ASIC2: variants seen among roughly 807,000 people sequenced by gnomAD.
The protein encoded by ASIC2 is acid-sensing ion channel 2.
In ASIC2, 25 loss-of-function variants were observed where a neutral mutation model predicts 57.3. The observed-to-expected ratio is 0.44, with a 90% CI of 0.32 to 0.61. The LOEUF (loss-of-function observed/expected upper bound fraction) is 0.61, where lower values mean the gene tolerates loss of function less well. Among genes scored for constraint, ASIC2 ranks in the 20% least tolerant of loss-of-function variants. The pLI is 0.06. For missense variants in ASIC2, 641 were observed against 738.1 expected, an observed-to-expected ratio of 0.87 and a Z score of 1.52; for synonymous variants, 319 against 307.5, an observed-to-expected ratio of 1.04 and a Z score of -0.39.
intron 1 of ASIC2, among the ~76,000 whole-genome samples, chr17:33,446,514 G>C (rs976612980): frequency 1.3e-5 from 2 of 152,156 alleles, no homozygotes; most frequent in African/African-American, 2.4e-5. Context: ...CACGCTGAAA[G>C]CATCTGTAAT....
At chr17:33,022,350 A>T (rs567956424) in intron 6 of ASIC2, among the ~76,000 whole-genome samples, 1 of 152,330 alleles carries the variant, frequency 6.6e-6, no homozygotes, top group South Asian at 2.1e-4. Flanking sequence ...CGTTGGCCAC[A>T]TGTGGCTAGC....
chr17:33,503,236 G>A (rs1288387169), intron 1 of ASIC2, among the ~76,000 whole-genome samples: 1 of 152,200 alleles, frequency 6.6e-6, no homozygotes, highest in Non-Finnish European at 1.5e-5. Flanking sequence ...GGATTTTTAG[G>A]TTAAAAGTTG....
chr17:33,273,913 G>A (rs934373701), intron 1 of ASIC2, among the ~76,000 whole-genome samples: 2 of 152,170 alleles, frequency 1.3e-5, no homozygotes, highest in African/African-American at 2.4e-5. Context: ...TCTGCTTTGT[G>A]CCAGGCTCCA....
chr17:33,161,284 C>T (rs1220321696), intron 1 of ASIC2, among the ~76,000 whole-genome samples: 1 of 152,180 alleles, frequency 6.6e-6, no homozygotes, highest in African/African-American at 2.4e-5. Flanking sequence ...TCTTGTCTTC[C>T]TTTATATGCT....
At chr17:34,056,759 C>A (rs972616793) in intron 1 of ASIC2, among the ~76,000 whole-genome samples, 7 of 152,196 alleles carry the variant, frequency 4.6e-5, no homozygotes, top group African/African-American at 1.7e-4. Context: ...GATTCAGTAT[C>A]CTTCAGGTCC....
At chr17:33,858,220 C>T (rs138033309) in intron 1 of ASIC2, among the ~76,000 whole-genome samples, 83 of 152,340 alleles carry the variant, frequency 5.4e-4, no homozygotes, top group African/African-American at 1.8e-3. Flanking sequence ...GGGCCACAGC[C>T]TTTGCATATG....
chr17:34,126,774 T>C (rs1200965068), intron 1 of ASIC2, among the ~76,000 whole-genome samples: 1 of 151,946 alleles, frequency 6.6e-6, no homozygotes, highest in African/African-American at 2.4e-5. Context: ...GGCACATGAG[T>C]CACCTGGGGA....
chr17:33,659,871 CAAATAAATAAATAAATAAAT>C (rs145561483), intron 1 of ASIC2, among the ~76,000 whole-genome samples: 42 of 133,296 alleles, frequency 3.2e-4, no homozygotes, highest in Non-Finnish European at 5.5e-4. Context: ...GACTCTGTCT[CAAATAAATAAATAAATAAAT>C]AAATAAATAA....
intron 1 of ASIC2, among the ~76,000 whole-genome samples, chr17:34,034,494 C>G (rs1161763273): frequency 2.6e-5 from 4 of 152,184 alleles, no homozygotes; most frequent in African/African-American, 9.6e-5. Flanking sequence ...TCAACATAGT[C>G]TTGGAAATTC....
At chr17:33,062,102 CA>C (rs1461298090) in intron 3 of ASIC2, among the ~76,000 whole-genome samples, 1 of 152,102 alleles carries the variant, frequency 6.6e-6, no homozygotes, top group Non-Finnish European at 1.5e-5. Flanking sequence ...TTGATCTTTT[CA>C]AAAAACCAGC....
At chr17:34,019,533 C>T (rs554469341) in intron 1 of ASIC2, among the ~76,000 whole-genome samples, 1 of 152,294 alleles carries the variant, frequency 6.6e-6, no homozygotes, top group East Asian at 1.9e-4. Flanking sequence ...CAAGACCCTC[C>T]ACCAGCAAAA....
At chr17:33,405,487 CTTT>C (rs35049672) in intron 1 of ASIC2, among the ~76,000 whole-genome samples, 1 of 135,298 alleles carries the variant, frequency 7.4e-6, no homozygotes. Context: ...TTTTTTCTTT[CTTT>C]TTTTTTTTTT....
chr17:33,250,807 A>G (rs998193479), intron 1 of ASIC2, among the ~76,000 whole-genome samples: 4 of 152,212 alleles, frequency 2.6e-5, no homozygotes, highest in Non-Finnish European at 5.9e-5. Context: ...ATGGAACCCT[A>G]CAACTCTAAG....
chr17:33,044,206 T>A (rs1471869471), intron 3 of ASIC2, among the ~76,000 whole-genome samples: 1 of 151,972 alleles, frequency 6.6e-6, no homozygotes, highest in African/African-American at 2.4e-5. Flanking sequence ...TTTGTTTCCA[T>A]CTGTCCATCC....
chr17:33,358,111 G>T (rs553905188), intron 1 of ASIC2, among the ~76,000 whole-genome samples: 1 of 152,178 alleles, frequency 6.6e-6, no homozygotes, highest in Non-Finnish European at 1.5e-5. Flanking sequence ...ACCTGTTTTT[G>T]TACAGTCTGT....
At chr17:34,151,592 G>T (rs180835138) in intron 1 of ASIC2, among the ~76,000 whole-genome samples, 2 of 152,154 alleles carry the variant, frequency 1.3e-5, no homozygotes, top group African/African-American at 4.8e-5. Flanking sequence ...AGGAGAGGAC[G>T]TTTGAGCAGC....
chr17:33,592,308 G>A (rs559530261), intron 1 of ASIC2, among the ~76,000 whole-genome samples: 3 of 152,334 alleles, frequency 2.0e-5, no homozygotes, highest in East Asian at 1.9e-4. Flanking sequence ...TCATCTGTCC[G>A]ATGGTTAACT....
chr17:33,728,278 A>T (rs1196953959), intron 1 of ASIC2, among the ~76,000 whole-genome samples: 1 of 152,146 alleles, frequency 6.6e-6, no homozygotes, highest in Non-Finnish European at 1.5e-5. Flanking sequence ...TCTAGCTGGG[A>T]CACGTTCTAC....
At chr17:33,448,611 A>C (rs1250030626) in intron 1 of ASIC2, among the ~76,000 whole-genome samples, 2 of 152,222 alleles carry the variant, frequency 1.3e-5, no homozygotes, top group Non-Finnish European at 2.9e-5. Flanking sequence ...GAAGCAAAGA[A>C]TGTATTTTTC....
Sources: gnomAD v4.1 joint callset for allele counts (sites outside exome capture counted in the v4.1 genomes callset) on GRCh38, gnomAD v4.1.1 for gene constraint, MANE v1.5 for transcripts, NCBI Gene and HGNC (gene_info 2026-07-23, HGNC 2026-07-21) for gene names.